Variants in SOX5 observed in about 807,000 individuals in gnomAD.
The protein encoded by SOX5 is SRY-box transcription factor 5.
In SOX5, 9 loss-of-function variants were observed where a neutral mutation model predicts 92.0. The observed-to-expected ratio is 0.10, with a 90% CI of 0.06 to 0.17. The LOEUF is 0.17. Among genes scored for constraint, SOX5 ranks in the 10% least tolerant of loss-of-function variants. The pLI, the probability that SOX5 is intolerant of heterozygous loss-of-function variation, is 1.00. For missense variants in SOX5, 642 were observed against 944.5 expected, an observed-to-expected ratio of 0.68 and a Z score of 4.20; for synonymous variants, 344 against 336.3, an observed-to-expected ratio of 1.02 and a Z score of -0.25.
rs1485608974 is a variant in SOX5, at chr12:24,251,612, C to T, written c.-77+25604G>A. 2.0e-5 allele frequency among the ~76,000 whole-genome samples: 3 copies of T among 150,776 alleles called. No individual in the cohort carries two copies. In the East Asian group the frequency reaches 5.8e-4, roughly 29 times the overall value. On this transcript the variant is annotated intron_variant, in intron 3 of 4. Coordinates refer to the SOX5 transcript ENST00000446891. ...TTCAGATGAAGTCTCACTTTTGTCG[C>T]CCAGGCTGGAGTGCAATGGCGTGAT... is the stretch of plus-strand genomic sequence containing the variant.
intron 2 of SOX5, among the ~76,000 whole-genome samples, chr12:23,849,698 T>G (rs2096610514): frequency 6.6e-6 from 1 of 152,204 alleles, no homozygotes; most frequent in Non-Finnish European, 1.5e-5. Context: ...GATATATGCA[T>G]TTAAATTAAT....
At chr12:23,815,203 G>A (rs551135169) in intron 3 of SOX5, among the ~76,000 whole-genome samples, 1 of 152,186 alleles carries the variant, frequency 6.6e-6, no homozygotes, top group African/African-American at 2.4e-5. Flanking sequence ...ATCTAGCTAG[G>A]GGTGGGGGCC....
In SOX5 at chr12:24,458,070, A is replaced by G. The variant is rs527772244; in HGVS notation, c.-250-89431T>C. The stretch of plus-strand genomic sequence containing the variant: ...TTTTAGTATAAGTATGTCCCATGCA[A>G]TATTTGTATTGTGCATGTGAATCAC... On this transcript the variant is annotated intron_variant, in intron 1 of 4. Transcript: ENST00000446891. Among the ~76,000 whole-genome samples, 151 of 152,154 alleles carry G rather than the reference A, an allele frequency of 9.9e-4. 14 individuals are homozygous for G. Among genetic ancestry groups the G allele is most frequent in the Admixed American group, 3.9e-4 (6 of 15,260 alleles).
intron 1 of SOX5, among the ~76,000 whole-genome samples, chr12:24,385,671 T>C (rs1958312247): frequency 6.6e-6 from 1 of 152,086 alleles, no homozygotes; most frequent in African/African-American, 2.4e-5. Context: ...AAGATTTATA[T>C]GGCAGCCGGG....
At chr12:24,404,466 A>G (rs1962467968) in intron 1 of SOX5, among the ~76,000 whole-genome samples, 1 of 152,148 alleles carries the variant, frequency 6.6e-6, no homozygotes, top group South Asian at 2.1e-4. Context: ...CTCTCTACAG[A>G]CAGGTGCCAT....
intron 1 of SOX5, among the ~76,000 whole-genome samples, chr12:24,499,358 G>A (rs1243190008): frequency 6.6e-6 from 1 of 152,206 alleles, no homozygotes; most frequent in East Asian, 1.9e-4. Flanking sequence ...GACAAGAAAG[G>A]TTTTACTAAG....
intron 1 of SOX5, among the ~76,000 whole-genome samples, chr12:24,520,506 A>AT (rs1950176031): frequency 6.6e-6 from 1 of 152,006 alleles, no homozygotes; most frequent in South Asian, 2.1e-4. Flanking sequence ...TAAACAGTAA[A>AT]AAAAAACAAA....
intron 4 of SOX5, among the ~76,000 whole-genome samples, chr12:23,957,831 C>T (rs964012976): frequency 6.6e-6 from 1 of 151,842 alleles, no homozygotes; most frequent in African/African-American, 2.4e-5. Flanking sequence ...AAATTTATAC[C>T]CGTATTTTAA....
chr12:23,889,898 A>C (rs535803441), intron 2 of SOX5, among the ~76,000 whole-genome samples: 59 of 152,354 alleles, frequency 3.9e-4, no homozygotes, highest in African/African-American at 1.4e-3. Context: ...ATAAACAATA[A>C]ATTAGATACT....
At chr12:24,496,523 G>A (rs538815135) in intron 1 of SOX5, among the ~76,000 whole-genome samples, 4 of 152,148 alleles carry the variant, frequency 2.6e-5, no homozygotes, top group African/African-American at 9.6e-5. Context: ...CCCTAACTTC[G>A]CAATTTCCAG....
intron 4 of SOX5, among the ~76,000 whole-genome samples, chr12:24,097,840 T>C (rs973384524): frequency 1.7e-4 from 26 of 152,132 alleles, no homozygotes; most frequent in African/African-American, 6.3e-4. Context: ...TATCTCACTA[T>C]CTTTATTAAA....
chr12:23,786,323 TA>T (rs572776036), intron 3 of SOX5, among the ~76,000 whole-genome samples: 66 of 152,090 alleles, frequency 4.3e-4, no homozygotes, highest in Non-Finnish European at 6.2e-4. Context: ...TGTAGCTATT[TA>T]AATTATAAAA....
intron 4 of SOX5, among the ~76,000 whole-genome samples, chr12:24,011,370 T>C (rs186338364): frequency 6.6e-6 from 1 of 152,318 alleles, no homozygotes; most frequent in East Asian, 1.9e-4. Flanking sequence ...TCTCCTATTT[T>C]TTCAGGATTG....
intron 2 of SOX5, among the ~76,000 whole-genome samples, chr12:24,305,500 C>A (rs1948465165): frequency 6.6e-6 from 1 of 152,162 alleles, no homozygotes; most frequent in Non-Finnish European, 1.5e-5. Flanking sequence ...GAGAGGGAGG[C>A]AGCCTCATTG....
rs1451873862 is a variant in SOX5, at chr12:24,097,215, T to G, written c.-2+116128A>C. On this transcript the variant is annotated intron_variant, in intron 4 of 4. Transcript: ENST00000446891. ...TGTTTATTCAAGTCCTTTGTCCATTTTTAAATTGGATCTTTTGTCTTTTTG... is the reference window on the plus strand; with the variant it reads ...TGTTTATTCAAGTCCTTTGTCCATTGTTAAATTGGATCTTTTGTCTTTTTG... Among the ~76,000 whole-genome samples the G allele has an allele frequency of 2.6e-5, 4 of 152,338 alleles. No homozygotes were observed. In the East Asian group the frequency reaches 7.7e-4, roughly 29 times the overall value.
chr12:24,524,556 G>T (rs754945137), intron 1 of SOX5, among the ~76,000 whole-genome samples: 1 of 151,876 alleles, frequency 6.6e-6, no homozygotes, highest in Non-Finnish European at 1.5e-5. Context: ...TAAATATACA[G>T]GTATATGAAA....
intron 2 of SOX5, among the ~76,000 whole-genome samples, chr12:23,882,865 G>A (rs2097012466): frequency 6.6e-6 from 1 of 152,052 alleles, no homozygotes; most frequent in Admixed American, 6.6e-5. Flanking sequence ...CTTGCTGTGT[G>A]TCAGCCACTG....
At chr12:23,762,912 T>C (rs1256902909) in intron 3 of SOX5, among the ~76,000 whole-genome samples, 3 of 152,178 alleles carry the variant, frequency 2.0e-5, no homozygotes, top group Non-Finnish European at 4.4e-5. Flanking sequence ...TATTCATATG[T>C]GATAGAAAAT....
intron 1 of SOX5, among the ~76,000 whole-genome samples, chr12:23,945,075 G>C (rs1944325199): frequency 6.6e-6 from 1 of 152,100 alleles, no homozygotes; most frequent in Non-Finnish European, 1.5e-5. Context: ...ATACTCATTA[G>C]GTTGCTGAAC....
Sources: gnomAD v4.1 joint callset for allele counts (sites outside exome capture counted in the v4.1 genomes callset) on GRCh38, gnomAD v4.1.1 for gene constraint, MANE v1.5 for transcripts, NCBI Gene and HGNC (gene_info 2026-07-23, HGNC 2026-07-21) for gene names.